Variants in MAP2K7 observed in about 807,000 individuals in gnomAD.
MAP2K7 encodes dual specificity mitogen-activated protein kinase kinase 7.
Under a neutral mutation model 47.7 loss-of-function variants are expected in MAP2K7, and 12 were observed. The observed-to-expected ratio is 0.25, with a 90% CI of 0.16 to 0.41. The LOEUF is 0.41. Ranked by LOEUF, MAP2K7 falls within the 10% of genes least tolerant of loss-of-function variation. The pLI is 1.00. For missense variants in MAP2K7, 415 were observed against 600.3 expected (o/e 0.69, Z 3.23); for synonymous variants, 299 against 243.0 (o/e 1.23, Z -2.14).
chr19:7,906,112 A>G (rs1329929705), intron 1 of MAP2K7: 5 of 526,150 alleles, frequency 9.5e-6, no homozygotes, highest in African/African-American at 7.7e-5. Flanking sequence ...GGGCTCCCCC[A>G]CTGAATGGGA....
rs750170336 is a variant in MAP2K7, at chr19:7,912,191, A to G, written c.1122A>G (p.Leu374=). The G allele has an allele frequency of 1.2e-6, 2 of 1,613,928 alleles. No individual in the cohort carries two copies. Among genetic ancestry groups the G allele is most frequent in the East Asian group, 4.5e-5 (2 of 44,852 alleles). Residue 374 remains leucine, a synonymous_variant, in exon 10 of 11, where the codon CTA becomes CTG. Coordinates refer to ENST00000397979, the MANE Select transcript of MAP2K7 (RefSeq NM_145185.4). ...DHRKRPKYNK[L]LEHSFIKRYE... is the part of the protein sequence containing the mutation. ...GGAAGAGACCAAAGTATAATAAGCT[A>G]CTTGTGAGTACCTGAGCCCTCCCAG... is the stretch of plus-strand genomic sequence containing the variant.
chr19:7,908,662 A>G (rs1455461823), intron 1 of MAP2K7, among the ~76,000 whole-genome samples: 1 of 151,944 alleles, frequency 6.6e-6, no homozygotes, highest in Non-Finnish European at 1.5e-5. Flanking sequence ...GCACCTTGGT[A>G]GGTGTGTGTA....
intron 1 of MAP2K7, chr19:7,905,824 A>C: frequency 6.2e-7 from 1 of 1,612,464 alleles, no homozygotes. Context: ...TGATCACTCT[A>C]AGCCCTGCTC....
At chr19:7,910,405 C>T (rs1421297456) in intron 4 of MAP2K7, 32 bp downstream of exon 4, 10 of 1,604,702 alleles carry the variant, frequency 6.2e-6, no homozygotes, top group Non-Finnish European at 7.7e-6. Flanking sequence ...GGCTGCGCCC[C>T]ACACCCCAGG....
At chr19:7,911,184 GA>G in intron 7 of MAP2K7, 25 bp downstream of exon 7, 1 of 1,607,904 alleles carries the variant, frequency 6.2e-7, no homozygotes, top group Non-Finnish European at 8.5e-7. Context: ...CCCAGCGGGG[GA>G]GGGGGTGGGG....
chr19:7,906,165 G>A (rs1367681176), intron 1 of MAP2K7: 2 of 408,348 alleles, frequency 4.9e-6, no homozygotes, highest in East Asian at 8.3e-5. Flanking sequence ...GCCTGTGTGT[G>A]TGTAACTGAG....
At chr19:7,908,588 AGG>A (rs1472986270) in intron 1 of MAP2K7, among the ~76,000 whole-genome samples, 1 of 152,002 alleles carries the variant, frequency 6.6e-6, no homozygotes, top group Non-Finnish European at 1.5e-5. Flanking sequence ...GGAGGAAAAG[AGG>A]GGAGAGGGGC....
intron 1 of MAP2K7, chr19:7,906,157 C>CTG: frequency 6.6e-6 from 3 of 452,216 alleles, no homozygotes; most frequent in South Asian, 2.8e-5. Flanking sequence ...GGGTGCACGC[C>CTG]TGTGTGTGTG....
intron 7 of MAP2K7, 43 bp from the exon 8 acceptor site, chr19:7,911,207 G>A (rs771830858): frequency 2.0e-5 from 32 of 1,606,440 alleles, no homozygotes; most frequent in South Asian, 7.7e-5. Context: ...CTGGGAGGCC[G>A]GCCCCAGCCT....
chr19:7,909,938 G>A, intron 2 of MAP2K7, 42 bp downstream of exon 2: 1 of 1,502,934 alleles, frequency 6.7e-7, no homozygotes, highest in Non-Finnish European at 8.9e-7. Flanking sequence ...AAGCAGCATT[G>A]AGGGGCCACC....
chr19:7,910,606 C>G (rs755512657), intron 5 of MAP2K7, 34 bp downstream of exon 5: 1 of 1,612,644 alleles, frequency 6.2e-7, no homozygotes, highest in African/African-American at 1.3e-5. Flanking sequence ...AGCGTCTCCT[C>G]CTCCCTCACC....
intron 1 of MAP2K7, chr19:7,905,985 C>G (rs1244124514): frequency 3.7e-6 from 3 of 818,444 alleles, no homozygotes; most frequent in East Asian, 4.9e-5. Context: ...CTCACTCTCA[C>G]TTTCTCTCTC....
chr19:7,912,069 G>A (rs1422407862), intron 9 of MAP2K7, 80 bp from the exon 10 acceptor site: 2 of 1,373,600 alleles, frequency 1.5e-6, no homozygotes, highest in East Asian at 2.3e-5. Flanking sequence ...TGGCCCCTTG[G>A]GGAGGGCCTG....
chr19:7,910,746 C>A lies in MAP2K7; in HGVS notation c.618C>A (p.Leu206=), dbSNP rs1447211340. The change falls in exon 6 of 11, where the codon CTC becomes CTA. Residue 206 remains leucine, a synonymous_variant. Coordinates refer to ENST00000397979, the MANE Select transcript of MAP2K7 (RefSeq NM_145185.4). ...MELMGTCAEK[L]KKRMQGPIPE... is the part of the protein sequence containing the mutation. ...TCATGGGCACCTGCGCTGAGAAGCT[C>A]AAGAAGCGGATGCAGGGCCCCATCC... is the stretch of plus-strand genomic sequence containing the variant. The A allele has an allele frequency of 6.2e-7, 1 of 1,612,086 alleles. No individual in the cohort carries two copies. Among genetic ancestry groups the A allele is most frequent in the South Asian group, 1.1e-5 (1 of 90,944 alleles).
chr19:7,906,498 G>T (rs892941337), intron 1 of MAP2K7: 1 of 152,636 alleles, frequency 6.6e-6, no homozygotes, highest in Non-Finnish European at 1.5e-5. Context: ...GCTCACACCT[G>T]TGATCCCAAC....
chr19:7,908,146 CAG>C (rs1370099076), intron 1 of MAP2K7, among the ~76,000 whole-genome samples: 2 of 149,132 alleles, frequency 1.3e-5, no homozygotes, highest in East Asian at 2.0e-4. Flanking sequence ...GCCTGGGTGA[CAG>C]AGCGAGAACC....
chr19:7,908,806 C>A (rs1055739586), intron 1 of MAP2K7, among the ~76,000 whole-genome samples: 3 of 152,088 alleles, frequency 2.0e-5, no homozygotes, highest in Non-Finnish European at 2.9e-5. Flanking sequence ...GGGAAGCTGC[C>A]CTCCTGTCCC....
rs763099575 is a variant in MAP2K7 at position 7,909,877 on chromosome 19, A to C, written c.247A>C (p.Thr83Pro). 6.5e-7 allele frequency: 1 copy of C among 1,530,188 alleles called. No individual in the cohort carries two copies. Among genetic ancestry groups the C allele is most frequent in the South Asian group, 1.2e-5 (1 of 81,536 alleles). The allele number at this position is 1,530,188 out of a possible 1,614,324, so 94.8% of individuals were successfully genotyped here. A position where few individuals can be genotyped will look rare whatever the true frequency, so the allele number is the denominator to read the frequency against. Reference protein sequence around the residue: ...HMLGLPSTLFTPRSMESIEID... With the variant: ...HMLGLPSTLFPPRSMESIEID... Reference sequence around the variant, plus strand: ...GCTGGGGCTCCCGTCAACCCTGTTCACACCCCGCAGCATGGAGAGGTGAGC... The same window carrying C: ...GCTGGGGCTCCCGTCAACCCTGTTCCCACCCCGCAGCATGGAGAGGTGAGC... Residue 83 changes from threonine (T) to proline (P), a missense_variant, in exon 2 of 11, where the codon ACA becomes CCA. This residue lies in a region of MAP2K7 where 115 missense variants were observed against 126.2 expected (regional missense o/e 0.91). Coordinates refer to ENST00000397979, the MANE Select transcript of MAP2K7 (RefSeq NM_145185.4).
intron 1 of MAP2K7, among the ~76,000 whole-genome samples, chr19:7,904,279 G>C (rs1244386115): frequency 1.3e-5 from 2 of 152,170 alleles, no homozygotes; most frequent in African/African-American, 4.8e-5. Flanking sequence ...CTCAGGGCTT[G>C]GGAGCCCAGT....
Sources: allele counts gnomAD v4.1 joint callset (sites outside exome capture counted in the v4.1 genomes callset), GRCh38; gene constraint gnomAD v4.1.1; regional missense constraint gnomAD v4.1.1; transcripts MANE v1.5; gene names NCBI Gene and HGNC (gene_info 2026-07-23, HGNC 2026-07-21).